SGSM2: variants seen among roughly 807,000 people sequenced by gnomAD.
The protein encoded by SGSM2 is small G protein signaling modulator 2.
Under a neutral mutation model 126.6 loss-of-function variants are expected in SGSM2, and 89 were observed. That is an observed-to-expected ratio of 0.70 (90% CI 0.59 to 0.84). SGSM2 has a LOEUF of 0.84. Ranked by LOEUF, SGSM2 falls within the 40% of genes least tolerant of loss-of-function variation. SGSM2 has a pLI of 0.00. For missense variants in SGSM2, 1,404 were observed against 1,416.6 expected, an observed-to-expected ratio of 0.99 and a Z score of 0.14; for synonymous variants, 614 against 574.3, an observed-to-expected ratio of 1.07 and a Z score of -0.99.
chr17:2,338,021 G>T (rs1053614595), intron 1 of SGSM2, among the ~76,000 whole-genome samples: 2 of 152,106 alleles, frequency 1.3e-5, no homozygotes, highest in Non-Finnish European at 2.9e-5. Context: ...GCCCAAGGCC[G>T]GGGGAGGGGT....
chr17:2,376,844 C>T (rs2066186215), intron 20 of SGSM2, 29 bp downstream of exon 20: 1 of 1,613,150 alleles, frequency 6.2e-7, no homozygotes, highest in South Asian at 1.1e-5. Context: ...TGGGACTGGG[C>T]TGCGTAAGCT....
chr17:2,349,094 G>A (rs1396824667), intron 2 of SGSM2, among the ~76,000 whole-genome samples: 1 of 151,806 alleles, frequency 6.6e-6, no homozygotes, highest in East Asian at 2.0e-4. Context: ...AGGGAGCATA[G>A]GCCGGGCACA....
In SGSM2 at chr17:2,371,497, A is replaced by G. The variant is rs368736441; in HGVS notation, c.1577+82A>G. 236 of 1,473,314 alleles carry G rather than the reference A, an allele frequency of 1.6e-4. No individual in the cohort carries two copies. The Middle Eastern group carries it at 3.0e-3, about 19-fold the overall frequency. The allele number at this position is 1,473,314 out of a possible 1,614,324, so 91.3% of individuals were successfully genotyped here. ...TCCGTCTGTCCTTAAAGGCCGTGTC[A>G]CCTGCACGACAGGGTGGCCTCTAGA... is the stretch of plus-strand genomic sequence containing the variant. On this transcript the variant is annotated intron_variant, in intron 13 of 23. Transcript: ENST00000268989.
chr17:2,365,996 A>G (rs1166691020), intron 11 of SGSM2, among the ~76,000 whole-genome samples: 1 of 152,072 alleles, frequency 6.6e-6, no homozygotes, highest in East Asian at 1.9e-4. Context: ...TGCCTGCCTC[A>G]GCCTCCCAAA....
At chr17:2,340,645 C>T (rs1465494374) in intron 1 of SGSM2, among the ~76,000 whole-genome samples, 3 of 150,292 alleles carry the variant, frequency 2.0e-5, no homozygotes, top group South Asian at 2.1e-4. Context: ...AGTGCCGTGG[C>T]GCCATCTCAG....
rs568162697 is a variant in SGSM2, at chr17:2,366,237, A to G, written c.1288+896A>G. ...TTGTGGGTCCTGCCCCACCCTGGAC[A>G]CACACCCCTGGGCCCAAGGGGGTCT... On this transcript the variant is annotated intron_variant, in intron 11 of 23. Coordinates refer to ENST00000268989, the MANE Select transcript of SGSM2 (RefSeq NM_014853.3). Among the ~76,000 whole-genome samples, 3 of 152,210 alleles carry G rather than the reference A, an allele frequency of 2.0e-5. No individual in the cohort carries two copies. In the East Asian group the frequency reaches 5.8e-4, roughly 29 times the overall value.
intron 1 of SGSM2, among the ~76,000 whole-genome samples, chr17:2,341,026 C>T (rs1053854142): frequency 6.6e-6 from 1 of 152,214 alleles, no homozygotes; most frequent in Non-Finnish European, 1.5e-5. Flanking sequence ...AAAAATCCTC[C>T]CCATCAGCCT....
rs554057527 is a variant in SGSM2 at position 2,338,115 on chromosome 17, G to C, written c.57+370G>C. Among the ~76,000 whole-genome samples the C allele has an allele frequency of 3.3e-5, 5 of 152,208 alleles. No homozygotes were observed. The East Asian group carries it at 7.8e-4, about 24-fold the overall frequency. ...GGGGAGGGGGCGGGGCCCCGCGCGA[G>C]CTCCCGCGGCGCAGGTGGGTGTCGT... On this transcript the variant is annotated intron_variant, in intron 1 of 23. Coordinates refer to ENST00000268989, the MANE Select transcript of SGSM2 (RefSeq NM_014853.3).
At position 2,362,792 on chromosome 17, in the gene SGSM2, A is replaced by C. The variant is rs1207231007; in HGVS notation, c.459-46A>C. ...TACCTGGTGAGCTTGACTGCCCTGGAATGAGCCCCGGAGCCTCGGCAGTCA... is the reference window on the plus strand; with the variant it reads ...TACCTGGTGAGCTTGACTGCCCTGGCATGAGCCCCGGAGCCTCGGCAGTCA... On this transcript the variant is annotated intron_variant, in intron 4 of 23. Coordinates refer to ENST00000268989, the MANE Select transcript of SGSM2 (RefSeq NM_014853.3). This position sits in a 1 kb window ranked among gnomAD's most constrained non-coding sequence, Gnocchi z 4.9. 4 of 1,603,104 alleles carry C rather than the reference A, an allele frequency of 2.5e-6. No individual in the cohort carries two copies. The African/African-American group carries it at 5.4e-5, about 21-fold the overall frequency.
chr17:2,351,752 G>A (rs1329863115), intron 2 of SGSM2, among the ~76,000 whole-genome samples: 1 of 152,096 alleles, frequency 6.6e-6, no homozygotes, highest in Non-Finnish European at 1.5e-5. Flanking sequence ...TAGAGACGGG[G>A]TTTCGCCATG....
chr17:2,359,688 C>T (rs574478181), intron 2 of SGSM2, among the ~76,000 whole-genome samples: 2 of 152,288 alleles, frequency 1.3e-5, no homozygotes, highest in Admixed American at 6.5e-5. Context: ...TGGGGCCGGC[C>T]ACTCCCCAGT....
rs537174227 is a variant in SGSM2 at position 2,340,862 on chromosome 17, T to G, written c.58-2683T>G. ...GCCTCCCAAAGTGCTGGGATTATAG[T>G]CGTGAGCCACCACGCCTGGCCCAGT... On this transcript the variant is annotated intron_variant, in intron 1 of 23. Transcript: ENST00000268989. Among the ~76,000 whole-genome samples the G allele has an allele frequency of 1.6e-3, 236 of 152,146 alleles. 2 individuals carry two copies. The highest frequency in any genetic ancestry group is 0.012 in the South Asian group (60 of 4,822).
chr17:2,351,959 C>G (rs748364581), intron 2 of SGSM2, among the ~76,000 whole-genome samples: 1 of 152,098 alleles, frequency 6.6e-6, no homozygotes, highest in South Asian at 2.1e-4. Flanking sequence ...CCCTAGTTAC[C>G]GCAGAAACGC....
chr17:2,379,456 A>G lies in SGSM2; in HGVS notation c.3092A>G (p.Gln1031Arg). 6.2e-7 allele frequency: 1 copy of G among 1,613,568 alleles called. No individual in the cohort carries two copies. Among genetic ancestry groups the G allele is most frequent in the Non-Finnish European group, 8.5e-7 (1 of 1,179,678 alleles). Reference sequence around the variant, plus strand: ...GAACGTGCTGAGCATCACGATGCCCAGGAGATCCTGCGGATTGCCCGGGAC... The same window carrying G: ...GAACGTGCTGAGCATCACGATGCCCGGGAGATCCTGCGGATTGCCCGGGAC... ...FNERAEHHDAQEILRIARDLV... is the reference protein window; with the variant it reads ...FNERAEHHDAREILRIARDLV... The change falls in exon 24 of 24, where the codon CAG becomes CGG. Residue 1031 changes from glutamine (Q) to arginine (R), a missense_variant. Transcript: ENST00000268989.
intron 2 of SGSM2, among the ~76,000 whole-genome samples, chr17:2,348,869 C>G (rs959316740): frequency 1.3e-5 from 2 of 152,100 alleles, no homozygotes; most frequent in African/African-American, 2.4e-5. Flanking sequence ...TCAGGCGATC[C>G]TCTCACTTCA....
intron 1 of SGSM2, among the ~76,000 whole-genome samples, chr17:2,339,532 GGCTAAC>G (rs1248199156): frequency 1.3e-5 from 2 of 151,926 alleles, no homozygotes; most frequent in Non-Finnish European, 2.9e-5. Flanking sequence ...AGACCATCCT[GGCTAAC>G]ACGGTGAAAC....
Position 2,372,273 on chromosome 17 carries a change from G to T in SGSM2, c.1642+19G>T. ...TACGGCTGTGAGTGTGGGGCGCGCC[G>T]GGCTGTGGCGGGCTGGGGGCGGGCG... On this transcript the variant is annotated intron_variant, in intron 14 of 23. Coordinates refer to ENST00000268989, the MANE Select transcript of SGSM2 (RefSeq NM_014853.3). This position sits in a 1 kb window ranked among gnomAD's most constrained non-coding sequence, Gnocchi z 6.0. 1 of 1,612,194 alleles carries T rather than the reference G, an allele frequency of 6.2e-7. No individual in the cohort carries two copies.
At chr17:2,376,411 C>A in intron 19 of SGSM2, 150 bp downstream of exon 19, 1 of 902,990 alleles carries the variant, frequency 1.1e-6, no homozygotes, top group Admixed American at 2.6e-5. Flanking sequence ...TCCTGCACAC[C>A]CCTCCCCCGC....
At chr17:2,339,075 A>G (rs900172800) in intron 1 of SGSM2, among the ~76,000 whole-genome samples, 1 of 151,022 alleles carries the variant, frequency 6.6e-6, no homozygotes, top group African/African-American at 2.4e-5. Context: ...AAAAAAGTTT[A>G]CCTTAGCTGA....
Sources: allele counts gnomAD v4.1 joint callset (sites outside exome capture counted in the v4.1 genomes callset), GRCh38; gene constraint gnomAD v4.1.1; non-coding constraint Gnocchi (gnomAD v3.1); transcripts MANE v1.5; gene names NCBI Gene and HGNC (gene_info 2026-07-23, HGNC 2026-07-21).